The following GLRA2 variants were observed in gnomAD, a reference collection of about 807,000 sequenced individuals.
GLRA2 encodes the protein glycine receptor subunit alpha-2.
A neutral mutation model predicts 31.6 loss-of-function variants in GLRA2; 11 were observed. The ratio of observed to expected loss-of-function variants is 0.35; its 90% CI spans 0.22 to 0.58. The LOEUF (loss-of-function observed/expected upper bound fraction) is 0.58. GLRA2 is among the 20% of genes least tolerant of loss of function. The pLI is 0.84. For missense variants in GLRA2, 212 were observed against 351.8 expected, an observed-to-expected ratio of 0.60 and a Z score of 3.18; for synonymous variants, 132 against 134.0, an observed-to-expected ratio of 0.99 and a Z score of 0.10.
At chrX:14,525,469 A>G (rs191908347), upstream of GLRA2, among the ~76,000 whole-genome samples, 5 of 111,609 alleles carry the variant, frequency 4.5e-5, no homozygotes, top group Admixed American at 4.8e-4. Flanking sequence ...TGAGATTAAG[A>G]CTCTAAAAAC....
chrX:14,702,671 G>A (rs963090775), intron 8 of GLRA2, among the ~76,000 whole-genome samples: 1 of 111,330 alleles, frequency 9.0e-6, no homozygotes, highest in East Asian at 2.8e-4. Flanking sequence ...TCCAAAATGG[G>A]CCTCACTAGG....
At chrX:14,701,366 TA>T (rs1187651742) in intron 8 of GLRA2, among the ~76,000 whole-genome samples, 1 of 110,648 alleles carries the variant, frequency 9.0e-6, no homozygotes, top group African/African-American at 3.3e-5. Context: ...CTGACTGAAA[TA>T]AAAATGGGCA....
At chrX:14,631,550 A>AT (rs151316486) in intron 7 of GLRA2, among the ~76,000 whole-genome samples, 1,137 of 108,533 alleles carry the variant, frequency 0.01, 9 homozygotes, top group Middle Eastern at 0.042. Flanking sequence ...GAACAATTTG[A>AT]TTTTTTTTTG....
chrX:14,539,721 A>G (rs1370906968), intron 2 of GLRA2, among the ~76,000 whole-genome samples: 6 of 112,177 alleles, frequency 5.3e-5, no homozygotes, highest in Admixed American at 3.8e-4. Flanking sequence ...TTCTGGATTC[A>G]GTAAAAGTAT....
intron 1 of GLRA2, among the ~76,000 whole-genome samples, chrX:14,530,711 G>T (rs1324845194): frequency 9.0e-6 from 1 of 111,680 alleles, no homozygotes; most frequent in Non-Finnish European, 1.9e-5. Context: ...TGACATAATT[G>T]TATTTATGTA....
chrX:14,567,853 G>GA (rs908080224), intron 2 of GLRA2, among the ~76,000 whole-genome samples: 1 of 111,256 alleles, frequency 9.0e-6, no homozygotes, highest in African/African-American at 3.3e-5. Context: ...AAGAAAGTTA[G>GA]AAAAAAAGCA....
At chrX:14,559,180 T>G (rs933769440) in intron 2 of GLRA2, among the ~76,000 whole-genome samples, 1 of 111,463 alleles carries the variant, frequency 9.0e-6, no homozygotes, top group Non-Finnish European at 1.9e-5. Flanking sequence ...AAATGGTTTT[T>G]GATGAGTCCA....
At chrX:14,675,546 T>G (rs2091136414) in intron 7 of GLRA2, among the ~76,000 whole-genome samples, 1 of 111,505 alleles carries the variant, frequency 9.0e-6, no homozygotes, top group South Asian at 3.8e-4. Flanking sequence ...AAACAGCACT[T>G]TAATAAGTAA....
the GLRA2 span, among the ~76,000 whole-genome samples, chrX:14,507,021 C>T: frequency 8.9e-6 from 1 of 111,821 alleles, no homozygotes; most frequent in Admixed American, 9.5e-5. Context: ...AGTAATTGCT[C>T]ACAAGCTACA....
intron 7 of GLRA2, among the ~76,000 whole-genome samples, chrX:14,645,872 G>A (rs981979233): frequency 9.0e-6 from 1 of 111,700 alleles, no homozygotes; most frequent in African/African-American, 3.3e-5. Context: ...TTGATCCTCT[G>A]TGAGCTGAGA....
intron 4 of GLRA2, among the ~76,000 whole-genome samples, chrX:14,585,151 G>A (rs1274990061): frequency 9.0e-6 from 1 of 111,200 alleles, no homozygotes; most frequent in East Asian, 2.8e-4. Context: ...AAAAAACCTT[G>A]GTAAAGGAGA....
At chrX:14,483,731 G>A in the GLRA2 span, among the ~76,000 whole-genome samples, 1 of 112,161 alleles carries the variant, frequency 8.9e-6, no homozygotes, top group Admixed American at 9.5e-5. Context: ...AATACTGAGT[G>A]TCAACTTGAT....
the GLRA2 span, among the ~76,000 whole-genome samples, chrX:14,457,847 C>G: frequency 9.0e-6 from 1 of 110,685 alleles, no homozygotes; most frequent in Non-Finnish European, 1.9e-5. Context: ...TTTTCCACAA[C>G]CTCTCCAGCA....
At chrX:14,725,940 TTAAC>T (rs1469650404) in intron 8 of GLRA2, among the ~76,000 whole-genome samples, 4 of 112,638 alleles carry the variant, frequency 3.6e-5, no homozygotes, top group Middle Eastern at 4.6e-3. Context: ...CTGTGAGAAT[TTAAC>T]TAATCAGTGA....
chrX:14,668,485 A>T (rs2091056576), intron 7 of GLRA2, among the ~76,000 whole-genome samples: 1 of 112,034 alleles, frequency 8.9e-6, no homozygotes, highest in African/African-American at 3.2e-5. Context: ...TTTTAGTGTA[A>T]TGCTGTTTGT....
At chrX:14,478,961 A>G in the GLRA2 span, among the ~76,000 whole-genome samples, 3 of 111,752 alleles carry the variant, frequency 2.7e-5, no homozygotes, top group Admixed American at 1.9e-4. Flanking sequence ...TGGTCCTTAG[A>G]ATGGAGGTGA....
chrX:14,729,080 TTA>T (rs1245168254), intron 8 of GLRA2, among the ~76,000 whole-genome samples: 1 of 112,605 alleles, frequency 8.9e-6, no homozygotes, highest in African/African-American at 3.2e-5. Flanking sequence ...GTCATTCATA[TTA>T]TAAGTCCTTC....
At chrX:14,556,141 T>C (rs955882401) in intron 2 of GLRA2, among the ~76,000 whole-genome samples, 4 of 111,989 alleles carry the variant, frequency 3.6e-5, no homozygotes, top group Non-Finnish European at 7.5e-5. Flanking sequence ...AATGTGTATA[T>C]GTGTGTGTAT....
chrX:14,540,778 C>T (rs978337826), intron 2 of GLRA2, among the ~76,000 whole-genome samples: 15 of 110,479 alleles, frequency 1.4e-4, no homozygotes, highest in Admixed American at 3.9e-4. Context: ...TGTGATTGTT[C>T]TGTCTCCTAA....
Sources: gnomAD v4.1 joint callset for allele counts (sites outside exome capture counted in the v4.1 genomes callset) on GRCh38, gnomAD v4.1.1 for gene constraint, MANE v1.5 for transcripts, NCBI Gene and HGNC (gene_info 2026-07-23, HGNC 2026-07-21) for gene names.